TDRD3: variants seen among roughly 807,000 people sequenced by gnomAD.
TDRD3 encodes the protein tudor domain-containing protein 3.
In TDRD3, 45 loss-of-function variants were observed where a neutral mutation model predicts 86.7. The observed-to-expected ratio is 0.52, with a 90% CI of 0.41 to 0.67. The LOEUF is 0.67. Ranked by LOEUF, TDRD3 falls within the 30% of genes least tolerant of loss-of-function variation. TDRD3 has a pLI of 0.00. For missense variants in TDRD3, 814 were observed against 889.0 expected, an observed-to-expected ratio of 0.92 and a Z score of 1.07; for synonymous variants, 298 against 301.7, an observed-to-expected ratio of 0.99 and a Z score of 0.13.
At chr13:60,478,044 A>G (rs917390149) in intron 5 of TDRD3, among the ~76,000 whole-genome samples, 13 of 151,968 alleles carry the variant, frequency 8.6e-5, no homozygotes, top group Non-Finnish European at 1.6e-4. Context: ...TAATTATTCA[A>G]TTTCAAAACT....
chr13:60,549,017 C>A (rs928751662), intron 12 of TDRD3, among the ~76,000 whole-genome samples: 1 of 152,058 alleles, frequency 6.6e-6, no homozygotes, highest in Non-Finnish European at 1.5e-5. Flanking sequence ...TGTCATTCAT[C>A]TGCTGGATGA....
At chr13:60,429,349 T>A (rs1179200369) in intron 1 of TDRD3, among the ~76,000 whole-genome samples, 4 of 152,184 alleles carry the variant, frequency 2.6e-5, no homozygotes, top group African/African-American at 9.6e-5. Flanking sequence ...ATAATTGAAG[T>A]AGATTTTCAT....
intron 3 of TDRD3, among the ~76,000 whole-genome samples, chr13:60,456,888 G>A (rs908890701): frequency 5.9e-5 from 9 of 151,916 alleles, no homozygotes; most frequent in Non-Finnish European, 1.2e-4. Flanking sequence ...TAGAGATGGG[G>A]TCTCCCTATG....
chr13:60,545,116 A>C (rs1194442753), intron 12 of TDRD3, among the ~76,000 whole-genome samples: 1 of 152,150 alleles, frequency 6.6e-6, no homozygotes, highest in Non-Finnish European at 1.5e-5. Context: ...CTATATGCTC[A>C]AGGGATTAAA....
At chr13:60,556,994 C>T (rs1566302664) in intron 12 of TDRD3, among the ~76,000 whole-genome samples, 2 of 151,976 alleles carry the variant, frequency 1.3e-5, no homozygotes, top group Admixed American at 6.6e-5. Flanking sequence ...CACCTGAGGT[C>T]GGGAGTTCGA....
chr13:60,516,018 A>T (rs544598002), intron 10 of TDRD3, among the ~76,000 whole-genome samples: 348 of 152,336 alleles, frequency 2.3e-3, no homozygotes, highest in Non-Finnish European at 3.6e-3. Flanking sequence ...ATTTATGTTC[A>T]TATTAGCAGC....
chr13:60,534,547 G>A (rs983042096), intron 11 of TDRD3, among the ~76,000 whole-genome samples: 2 of 149,184 alleles, frequency 1.3e-5, no homozygotes, highest in Non-Finnish European at 3.0e-5. Flanking sequence ...GAAGCACTGA[G>A]CAGCCTTTTT....
chr13:60,497,319 C>G (rs954720834), intron 8 of TDRD3, among the ~76,000 whole-genome samples: 1 of 152,180 alleles, frequency 6.6e-6, no homozygotes. Context: ...ATTGCCAGCT[C>G]GAATGCCTGG....
intron 3 of TDRD3, among the ~76,000 whole-genome samples, chr13:60,456,822 A>G (rs997789366): frequency 2.6e-5 from 4 of 152,046 alleles, no homozygotes; most frequent in South Asian, 2.1e-4. Context: ...CAGCCTCCCA[A>G]GTAGCTGCGG....
chr13:60,547,155 G>A, intron 12 of TDRD3: 1 of 481,170 alleles, frequency 2.1e-6, no homozygotes, highest in Middle Eastern at 1.0e-3. Context: ...TATACTTTGA[G>A]GTTGCAATGA....
chr13:60,446,723 T>C (rs1955407879), intron 3 of TDRD3, among the ~76,000 whole-genome samples: 1 of 152,158 alleles, frequency 6.6e-6, no homozygotes, highest in Non-Finnish European at 1.5e-5. Context: ...TGTAACTATC[T>C]TAAACCAGAG....
rs117957208 is a variant in TDRD3, at chr13:60,467,820, A to G, written c.495+441A>G. 8.6e-4 allele frequency among the ~76,000 whole-genome samples: 131 copies of G among 152,274 alleles called. 5 individuals carry two copies. The East Asian group carries it at 0.017, about 20-fold the overall frequency. On this transcript the variant is annotated intron_variant, in intron 5 of 13. Coordinates refer to ENST00000377881, the MANE Select transcript of TDRD3 (RefSeq NM_001146070.2). Reference sequence around the variant, plus strand: ...CTTGACTTCCTAGTCTCATTAGCTAATATTTTTCCCCATTTATATTAACAA... The same window carrying G: ...CTTGACTTCCTAGTCTCATTAGCTAGTATTTTTCCCCATTTATATTAACAA...
intron 10 of TDRD3, among the ~76,000 whole-genome samples, chr13:60,523,438 G>A (rs1252759188): frequency 1.3e-5 from 2 of 151,922 alleles, no homozygotes; most frequent in East Asian, 1.9e-4. Context: ...TGTAATAATA[G>A]GAATGTTTTC....
At chr13:60,538,450 T>G (rs999813308) in intron 12 of TDRD3, among the ~76,000 whole-genome samples, 12 of 152,082 alleles carry the variant, frequency 7.9e-5, no homozygotes, top group Middle Eastern at 6.8e-3. Context: ...CAGTGAACTT[T>G]CTAGTTAACA....
chr13:60,524,355 A>G (rs1957357959), intron 10 of TDRD3, among the ~76,000 whole-genome samples: 1 of 151,810 alleles, frequency 6.6e-6, no homozygotes, highest in Admixed American at 6.6e-5. Context: ...AAAAATACAA[A>G]AATTAGCCGG....
chr13:60,482,081 C>T (rs1269668583), intron 5 of TDRD3, among the ~76,000 whole-genome samples: 3 of 152,114 alleles, frequency 2.0e-5, no homozygotes, highest in Non-Finnish European at 4.4e-5. Flanking sequence ...TTTATGAGTT[C>T]TGGGAATTGT....
intron 1 of TDRD3, among the ~76,000 whole-genome samples, chr13:60,416,663 G>T (rs1594905857): frequency 6.6e-6 from 1 of 152,182 alleles, no homozygotes; most frequent in African/African-American, 2.4e-5. Flanking sequence ...AGTCTGGCTT[G>T]TGCTTCTTCC....
intron 13 of TDRD3, among the ~76,000 whole-genome samples, chr13:60,571,737 C>T (rs1958590220): frequency 6.6e-6 from 1 of 152,020 alleles, no homozygotes; most frequent in African/African-American, 2.4e-5. Flanking sequence ...CTTCCCCCAA[C>T]CCTCCACACA....
chr13:60,448,749 T>A (rs1387160403), intron 3 of TDRD3, among the ~76,000 whole-genome samples: 2 of 152,158 alleles, frequency 1.3e-5, no homozygotes, highest in Non-Finnish European at 2.9e-5. Context: ...TAGCAGCTTG[T>A]AAGCTAAAAA....
Sources: allele counts gnomAD v4.1 joint callset (sites outside exome capture counted in the v4.1 genomes callset), GRCh38; gene constraint gnomAD v4.1.1; transcripts MANE v1.5; gene names NCBI Gene and HGNC (gene_info 2026-07-23, HGNC 2026-07-21).